EIF3E: variants seen among roughly 807,000 people sequenced by gnomAD.
The protein encoded by EIF3E is eukaryotic translation initiation factor 3 subunit E.
A neutral mutation model predicts 59.3 loss-of-function variants in EIF3E; 25 were observed. The observed-to-expected ratio is 0.42, with a 90% confidence interval of 0.31 to 0.59. The LOEUF (loss-of-function observed/expected upper bound fraction) is 0.59. EIF3E is among the 20% of genes least tolerant of loss of function. EIF3E has a pLI of 0.15. For synonymous variants in EIF3E, 176 were observed against 170.2 expected (o/e 1.03, Z -0.26); for missense variants, 317 against 534.3 (o/e 0.59, Z 4.01).
chr8:108,203,821 A>C (rs761857137), intron 10 of EIF3E, among the ~76,000 whole-genome samples: 4 of 152,086 alleles, frequency 2.6e-5, no homozygotes, highest in Non-Finnish European at 5.9e-5. Flanking sequence ...TAATGATCTA[A>C]GGGAGAAAAA....
chr8:108,239,804 C>G (rs1308149943), intron 3 of EIF3E, among the ~76,000 whole-genome samples, 154 bp downstream of exon 3: 1 of 151,782 alleles, frequency 6.6e-6, no homozygotes. Flanking sequence ...TTATACTGGC[C>G]CCTACAAAAT....
Position 108,203,042 on chromosome 8 carries a change from T to G in EIF3E, c.1240A>C (p.Arg414=), listed in dbSNP as rs141859782. The change falls in exon 12 of 13, where the codon AGA becomes CGA. Residue 414 remains arginine (R), a synonymous_variant. Coordinates refer to ENST00000220849, the MANE Select transcript of EIF3E (RefSeq NM_001568.3). ...VIEKTKSLSF[R]SQMLAMNIEK... ...ATATTCATGGCCAACATCTGGCTTC[T>G]AAAGGAAAGGCTTTTGGTCTTTTCA... 1.5e-5 allele frequency: 25 copies of G among 1,612,922 alleles called. No homozygotes were observed. The highest frequency in any genetic ancestry group is 3.3e-4 in the Middle Eastern group (2 of 6,050).
chr8:108,239,138 C>A (rs1176934223), intron 3 of EIF3E, among the ~76,000 whole-genome samples: 2 of 151,984 alleles, frequency 1.3e-5, no homozygotes, highest in Non-Finnish European at 2.9e-5. Flanking sequence ...AACGAGATAC[C>A]CATGTGTTCT....
At chr8:108,229,017 T>G (rs1815572806) in intron 6 of EIF3E, 53 bp downstream of exon 6, 1 of 1,477,806 alleles carries the variant, frequency 6.8e-7, no homozygotes, top group Non-Finnish European at 9.0e-7. Flanking sequence ...CATCAGAAAG[T>G]GTGAAGGATA....
intron 5 of EIF3E, among the ~76,000 whole-genome samples, chr8:108,230,174 T>C (rs1213342194): frequency 1.3e-5 from 2 of 152,154 alleles, no homozygotes; most frequent in Admixed American, 1.3e-4. Flanking sequence ...TACATAATAG[T>C]ATAAATATCA....
chr8:108,204,780 G>T (rs1446088962), intron 10 of EIF3E, among the ~76,000 whole-genome samples: 104 of 118,034 alleles, frequency 8.8e-4, no homozygotes, highest in African/African-American at 3.6e-3. Flanking sequence ...GAGAGAGAGA[G>T]ACAGAGAGAG....
intron 3 of EIF3E, among the ~76,000 whole-genome samples, chr8:108,239,346 A>C (rs1452277699): frequency 1.3e-5 from 2 of 151,988 alleles, no homozygotes; most frequent in East Asian, 3.9e-4. Context: ...GCACACCACC[A>C]CACCTGGCTA....
intron 9 of EIF3E, 135 bp from the exon 10 acceptor site, chr8:108,214,851 T>G (rs1815272821): frequency 1.4e-6 from 1 of 693,376 alleles, no homozygotes; most frequent in African/African-American, 1.9e-5. Context: ...TAGAACACTG[T>G]GTTCAAATCT....
intron 1 of EIF3E, chr8:108,242,301 A>G: frequency 7.8e-7 from 1 of 1,290,180 alleles, no homozygotes; most frequent in East Asian, 5.5e-5. Flanking sequence ...CCAGGTAATC[A>G]GTAATAAACT....
At chr8:108,216,193 T>C (rs1366129221) in intron 9 of EIF3E, among the ~76,000 whole-genome samples, 1 of 152,160 alleles carries the variant, frequency 6.6e-6, no homozygotes, top group Non-Finnish European at 1.5e-5. Flanking sequence ...ATTAAAAAAG[T>C]CATCACTCTA....
At chr8:108,214,806 T>C (rs1251852440) in intron 9 of EIF3E, 90 bp from the exon 10 acceptor site, 1 of 1,163,964 alleles carries the variant, frequency 8.6e-7, no homozygotes, top group Non-Finnish European at 1.2e-6. Flanking sequence ...TATTTTTCCA[T>C]TCTACAATCA....
chr8:108,209,157 G>A (rs374941277), intron 10 of EIF3E, among the ~76,000 whole-genome samples: 47 of 152,136 alleles, frequency 3.1e-4, no homozygotes, highest in African/African-American at 1.1e-3. Context: ...TTTGAAATGT[G>A]TCCTTTGGTG....
In EIF3E at chr8:108,235,543, T is replaced by TC. The variant is rs549138959; in HGVS notation, c.367-442dup. On this transcript the variant is annotated intron_variant, in intron 4 of 12. Transcript: ENST00000220849. ...GCTTGCTCACCTTCTGATCATCTGC[T>TC]CTGTGGCCCTCCGGTACTGGTCCAT... Among the ~76,000 whole-genome samples the TC allele has an allele frequency of 3.1e-4, 47 of 152,336 alleles. No individual in the cohort carries two copies. The South Asian group carries it at 9.3e-3, about 30-fold the overall frequency.
intron 7 of EIF3E, among the ~76,000 whole-genome samples, chr8:108,223,388 C>T (rs529744330): frequency 2.6e-5 from 4 of 152,238 alleles, no homozygotes; most frequent in Admixed American, 2.6e-4. Context: ...TGAGCTAAAG[C>T]AGGTAAACTA....
At chr8:108,224,070 A>G (rs1216316898) in intron 7 of EIF3E, among the ~76,000 whole-genome samples, 1 of 150,658 alleles carries the variant, frequency 6.6e-6, no homozygotes, top group South Asian at 2.1e-4. Context: ...ACAAAAAAAA[A>G]AAGTAGCCAG....
intron 10 of EIF3E, among the ~76,000 whole-genome samples, chr8:108,204,731 G>GTATGTATATATATATATATATATATATA (rs1554597994): frequency 1.2e-5 from 1 of 86,788 alleles, no homozygotes; most frequent in African/African-American, 3.8e-5. Flanking sequence ...TAGTATGTAT[G>GTATGTATATATATATATATATATATATA]TATATATATA....
Position 108,230,291 on chromosome 8 carries a change from G to T in EIF3E, c.472-1096C>A, listed in dbSNP as rs182860008. Among the ~76,000 whole-genome samples, 26 of 152,216 alleles carry T rather than the reference G, an allele frequency of 1.7e-4. No homozygotes were observed. In the East Asian group the frequency reaches 4.2e-3, roughly 25 times the overall value. On this transcript the variant is annotated intron_variant, in intron 5 of 12. Transcript: ENST00000220849. ...TAGTTTGTACTTTAGCTTCCTCACTGCAACATGGGGATAGAACCCACCTCA... is the reference window on the plus strand; with the variant it reads ...TAGTTTGTACTTTAGCTTCCTCACTTCAACATGGGGATAGAACCCACCTCA...
At chr8:108,245,968 G>A (rs2129933368) in intron 1 of EIF3E, among the ~76,000 whole-genome samples, 1 of 152,244 alleles carries the variant, frequency 6.6e-6, no homozygotes, top group East Asian at 1.9e-4. Context: ...TGAAACTGCA[G>A]ATAGCCCCAA....
chr8:108,243,040 A>ACACAGGAGCACTT (rs1815872076), intron 1 of EIF3E, among the ~76,000 whole-genome samples: 1 of 152,244 alleles, frequency 6.6e-6, no homozygotes, highest in South Asian at 2.1e-4. Context: ...CCAAAAATGT[A>ACACAGGAGCACTT]CACAGGAGCA....
Sources: allele counts gnomAD v4.1 joint callset (sites outside exome capture counted in the v4.1 genomes callset), GRCh38; gene constraint gnomAD v4.1.1; transcripts MANE v1.5; gene names NCBI Gene and HGNC (gene_info 2026-07-23, HGNC 2026-07-21).